REPS2: variants seen among roughly 807,000 people sequenced by gnomAD.
REPS2 encodes the protein RALBP1 associated Eps domain containing 2, also known as ralBP1-associated Eps domain-containing protein 2.
A neutral mutation model predicts 53.6 loss-of-function variants in REPS2; 23 were observed. The observed-to-expected ratio is 0.43, with a 90% CI of 0.31 to 0.61. The LOEUF (loss-of-function observed/expected upper bound fraction) is 0.61, where lower values mean the gene tolerates loss of function less well. Ranked by LOEUF, REPS2 falls within the 20% of genes least tolerant of loss-of-function variation. The pLI, the probability that REPS2 is intolerant of heterozygous loss-of-function variation, is 0.11. For missense variants in REPS2, 446 were observed against 534.9 expected, an observed-to-expected ratio of 0.83 and a Z score of 1.64; for synonymous variants, 238 against 218.6, an observed-to-expected ratio of 1.09 and a Z score of -0.78.
chrX:16,969,243 T>C (rs745341021), intron 1 of REPS2, among the ~76,000 whole-genome samples: 1,258 of 101,644 alleles, frequency 0.012, 23 homozygotes, highest in African/African-American at 0.043. Context: ...CTTTCCAGAC[T>C]GGGCAGCCAG....
chrX:16,951,560 C>CACACACACACACACACACACACACACA, intron 1 of REPS2, among the ~76,000 whole-genome samples: 1 of 19,890 alleles, frequency 5.0e-5, no homozygotes, highest in Non-Finnish European at 1.8e-4. Flanking sequence ...CACACACACA[C>CACACACACACACACACACACACACACA]CCCCGCTACC....
chrX:17,099,052 T>C, intron 13 of REPS2, among the ~76,000 whole-genome samples: 1 of 111,922 alleles, frequency 8.9e-6, no homozygotes, highest in Middle Eastern at 4.6e-3. Context: ...AAATGGCAAC[T>C]CTGGTAACTT....
At chrX:17,071,305 A>ATC (rs887955615) in intron 11 of REPS2, among the ~76,000 whole-genome samples, 18 of 110,507 alleles carry the variant, frequency 1.6e-4, no homozygotes, top group Admixed American at 1.2e-3. Flanking sequence ...AGCTGTTTAA[A>ATC]TTTGGAGTGT....
intron 13 of REPS2, among the ~76,000 whole-genome samples, chrX:17,078,133 G>A (rs1386508576): frequency 8.9e-6 from 1 of 112,339 alleles, no homozygotes; most frequent in Non-Finnish European, 1.9e-5. Context: ...AAGGTGATAG[G>A]ATACGGTGCT....
At position 17,148,962 on chromosome X, in the gene REPS2, G is replaced by A. The variant is rs1307390089; in HGVS notation, c.*1481G>A. On this transcript the variant is annotated 3_prime_UTR_variant, in exon 18 of 18. Coordinates refer to ENST00000357277, the MANE Select transcript of REPS2 (RefSeq NM_004726.3). ...AGCTGAGAGCTTTTAGAACAAGCAG[G>A]CATTTATTTAATGTTTCCTTAGTCC... is the stretch of plus-strand genomic sequence containing the variant. The A allele has an allele frequency of 2.7e-6, 1 of 373,382 alleles. No individual in the cohort carries two copies. Among genetic ancestry groups the A allele is most frequent in the Admixed American group, 2.5e-5 (1 of 39,287 alleles). The allele number at this position is 373,382 out of a possible 1,213,427, so 30.8% of individuals were successfully genotyped here.
intron 13 of REPS2, among the ~76,000 whole-genome samples, chrX:17,091,809 T>C (rs910447044): frequency 8.9e-6 from 1 of 111,945 alleles, no homozygotes; most frequent in Non-Finnish European, 1.9e-5. Flanking sequence ...CTTTTATGAT[T>C]AGAAAGGAGA....
intron 14 of REPS2, 83 bp downstream of exon 14, chrX:17,103,862 G>A (rs2062838876): frequency 1.1e-6 from 1 of 886,170 alleles, no homozygotes; most frequent in Non-Finnish European, 1.7e-6. Context: ...AGGGTTGATC[G>A]CCACAGATCT....
intron 14 of REPS2, among the ~76,000 whole-genome samples, chrX:17,124,669 G>A (rs959452988): frequency 9.0e-6 from 1 of 110,940 alleles, no homozygotes; most frequent in Admixed American, 9.6e-5. Flanking sequence ...CCTGGAGGCA[G>A]CAGCAGGATT....
chrX:17,014,077 C>G (rs1038559766), intron 2 of REPS2, among the ~76,000 whole-genome samples: 1 of 111,663 alleles, frequency 9.0e-6, no homozygotes, highest in African/African-American at 3.3e-5. Context: ...CAGGAAAATA[C>G]ACATTGACAT....
intron 5 of REPS2, among the ~76,000 whole-genome samples, chrX:17,043,185 G>A (rs962508658): frequency 1.8e-5 from 2 of 111,317 alleles, no homozygotes; most frequent in Non-Finnish European, 3.8e-5. Flanking sequence ...AAGAGATGGG[G>A]GGGTAGGTTA....
intron 4 of REPS2, 49 bp downstream of exon 4, chrX:17,025,234 T>G (rs377639082): frequency 6.2e-6 from 7 of 1,123,844 alleles, no homozygotes; most frequent in Middle Eastern, 4.9e-4. Flanking sequence ...TCTTAGAGAC[T>G]CCTTAATTTA....
chrX:17,147,374 C>G, intron 17 of REPS2, 39 bp from the exon 18 acceptor site: 1 of 1,107,151 alleles, frequency 9.0e-7, no homozygotes, highest in Middle Eastern at 2.5e-4. Flanking sequence ...GAAATGACCC[C>G]TTTGCTTTTT....
chrX:16,978,540 C>T (rs1334338163), intron 1 of REPS2: 2 of 745,875 alleles, frequency 2.7e-6, no homozygotes, highest in Non-Finnish European at 3.1e-6. Flanking sequence ...CTGCTGACTT[C>T]CAAAGGATGC....
At chrX:17,054,414 G>T (rs1008393886) in intron 7 of REPS2, among the ~76,000 whole-genome samples, 2 of 111,760 alleles carry the variant, frequency 1.8e-5, no homozygotes, top group Admixed American at 1.9e-4. Context: ...AAATGGCTGG[G>T]GCCACCCTTC....
At chrX:17,191,147 A>G in the REPS2 span, among the ~76,000 whole-genome samples, 176 of 112,074 alleles carry the variant, frequency 1.6e-3, no homozygotes, top group African/African-American at 5.4e-3. Flanking sequence ...GCTCTTCAAA[A>G]GACATTGTTA....
intron 1 of REPS2, among the ~76,000 whole-genome samples, chrX:16,968,824 C>T (rs1480557290): frequency 8.4e-5 from 9 of 107,225 alleles, no homozygotes; most frequent in Non-Finnish European, 1.6e-4. Context: ...GGGCGGGGGG[C>T]TGACCCCCCC....
chrX:16,991,448 T>C (rs1248998491), intron 1 of REPS2, among the ~76,000 whole-genome samples: 1 of 111,961 alleles, frequency 8.9e-6, no homozygotes, highest in Admixed American at 9.5e-5. Flanking sequence ...AGTGGAGCTA[T>C]CAATTGGCTT....
At chrX:16,962,875 G>T (rs1374466513) in intron 1 of REPS2, among the ~76,000 whole-genome samples, 5 of 112,172 alleles carry the variant, frequency 4.5e-5, no homozygotes, top group Non-Finnish European at 7.5e-5. Flanking sequence ...CAGGAGGATT[G>T]CTTGAGGCCA....
chrX:16,946,697 G>A lies in REPS2; in HGVS notation c.-165G>A, dbSNP rs2060430013. ...GGGGTGGGGCCGGCGCGCGCCGGGA[G>A]GAAGCGGCCGCGCGGCAGCTGCGGG... On this transcript the variant is annotated 5_prime_UTR_variant, in exon 1 of 18. Coordinates refer to ENST00000357277, the MANE Select transcript of REPS2 (RefSeq NM_004726.3). The A allele has an allele frequency of 5.7e-6, 3 of 522,216 alleles. No individual in the cohort carries two copies. The highest frequency in any genetic ancestry group is 1.9e-4 in the East Asian group (1 of 5,287). 43.0% of individuals were successfully genotyped at this position (522,216 alleles called of 1,213,427 possible).
Sources: allele counts gnomAD v4.1 joint callset (sites outside exome capture counted in the v4.1 genomes callset), GRCh38; gene constraint gnomAD v4.1.1; transcripts MANE v1.5; gene names NCBI Gene and HGNC (gene_info 2026-07-23, HGNC 2026-07-21).